The following PCDHA7 variants were observed in gnomAD, a reference collection of about 807,000 sequenced individuals.
The protein encoded by PCDHA7 is protocadherin alpha 7.
Under a neutral mutation model 57.2 loss-of-function variants are expected in PCDHA7, and 37 were observed. The observed-to-expected ratio is 0.65, with a 90% CI of 0.50 to 0.85. The LOEUF is 0.85. Among genes scored for constraint, PCDHA7 ranks in the 40% least tolerant of loss-of-function variants. PCDHA7 has a pLI of 0.00. For synonymous variants in PCDHA7, 553 were observed against 558.8 expected (o/e 0.99, Z 0.15); for missense variants, 1,188 against 1,241.8 (o/e 0.96, Z 0.65).
chr5:140,858,197 A>T lies in PCDHA7; in HGVS notation c.2355+21459A>T. On this transcript the variant is annotated intron_variant, in intron 1 of 3. Transcript: ENST00000525929. ...GCTGGTGCTCACGCTGCTGCTGTAC[A>T]CTGCACTGAGGTGCTCGGCGGCGCC... is the stretch of plus-strand genomic sequence containing the variant. The T allele has an allele frequency of 1.3e-6, 2 of 1,597,058 alleles. 1 individual carries two copies.
intron 1 of PCDHA7, chr5:140,884,082 C>A (rs2059986179): frequency 1.2e-6 from 2 of 1,613,558 alleles, no homozygotes; most frequent in Non-Finnish European, 8.5e-7. Flanking sequence ...GGCTACAATG[C>A]GTGGCTTTCG....
chr5:140,944,743 T>A (rs1307968034), intron 1 of PCDHA7, among the ~76,000 whole-genome samples: 2 of 152,238 alleles, frequency 1.3e-5, no homozygotes, highest in East Asian at 3.8e-4. Flanking sequence ...TCTGAGCATT[T>A]ACATGGAAAA....
At chr5:140,869,799 C>T (rs781959839) in intron 1 of PCDHA7, 1 of 1,612,706 alleles carries the variant, frequency 6.2e-7, no homozygotes, top group Non-Finnish European at 8.5e-7. Flanking sequence ...TAGTCCAAGT[C>T]TTGGATGTCA....
chr5:140,973,556 C>A lies in PCDHA7; in HGVS notation c.2356-5393C>A, dbSNP rs993191449. Among the ~76,000 whole-genome samples the A allele has an allele frequency of 3.9e-5, 6 of 152,336 alleles. 1 individual carries two copies. In the South Asian group the frequency reaches 1.2e-3, roughly 32 times the overall value. ...ATACAATAATTTATTTCAATTACCT[C>A]TTTCCTCAATTTTTCTACAGACTGC... On this transcript the variant is annotated intron_variant, in intron 1 of 3. Coordinates refer to ENST00000525929, the MANE Select transcript of PCDHA7 (RefSeq NM_018910.3).
At chr5:140,937,739 C>T (rs1563162684) in intron 1 of PCDHA7, among the ~76,000 whole-genome samples, 1 of 151,716 alleles carries the variant, frequency 6.6e-6, no homozygotes, top group African/African-American at 2.4e-5. Context: ...GGTGAAACCC[C>T]GTCTCTACTA....
intron 1 of PCDHA7, among the ~76,000 whole-genome samples, chr5:140,908,825 G>A (rs1554193511): frequency 1.3e-5 from 2 of 152,252 alleles, no homozygotes; most frequent in South Asian, 2.1e-4. Flanking sequence ...TGGGTTACTC[G>A]ATAAATGGGC....
intron 1 of PCDHA7, chr5:140,861,505 A>G: frequency 2.1e-6 from 1 of 482,692 alleles, no homozygotes; most frequent in African/African-American, 2.0e-5. Flanking sequence ...ATAGACCTCG[A>G]GGAGCTGTGT....
At chr5:140,854,178 A>G (rs2043021755) in intron 1 of PCDHA7, 4 of 531,272 alleles carry the variant, frequency 7.5e-6, no homozygotes, top group African/African-American at 2.1e-5. Flanking sequence ...AAAAAAAAAG[A>G]GTAGTTTAAC....
intron 1 of PCDHA7, among the ~76,000 whole-genome samples, chr5:140,838,948 T>C (rs1437181884): frequency 6.6e-6 from 1 of 151,904 alleles, no homozygotes; most frequent in Non-Finnish European, 1.5e-5. Context: ...TAAAATAAAA[T>C]AAAATAAAAA....
intron 1 of PCDHA7, among the ~76,000 whole-genome samples, chr5:140,921,041 G>A (rs902181810): frequency 1.3e-5 from 2 of 151,820 alleles, no homozygotes; most frequent in Non-Finnish European, 2.9e-5. Flanking sequence ...GTGCAGTGGG[G>A]CAATCATAGC....
chr5:140,983,924 A>G (rs1554245819), intron 3 of PCDHA7, among the ~76,000 whole-genome samples: 1 of 152,216 alleles, frequency 6.6e-6, no homozygotes, highest in African/African-American at 2.4e-5. Flanking sequence ...AGGATTTGCT[A>G]TTTATGGATG....
At chr5:140,856,926 G>A (rs782283116) in intron 1 of PCDHA7, 1 of 1,594,828 alleles carries the variant, frequency 6.3e-7, no homozygotes, top group South Asian at 1.1e-5. Context: ...AGGAAATTTT[G>A]GATAAACGAA....
intron 1 of PCDHA7, among the ~76,000 whole-genome samples, chr5:140,894,231 G>A (rs1265861426): frequency 1.3e-5 from 2 of 151,980 alleles, no homozygotes; most frequent in South Asian, 2.1e-4. Flanking sequence ...GATGTTGAAT[G>A]ACAATGTAAT....
chr5:140,877,092 C>G (rs200462899), intron 1 of PCDHA7: 46 of 1,613,110 alleles, frequency 2.9e-5, no homozygotes, highest in African/African-American at 6.7e-5. Flanking sequence ...CGCGCGACGC[C>G]GGCGTGCCGC....
intron 1 of PCDHA7, among the ~76,000 whole-genome samples, chr5:140,960,147 T>C (rs2095529138): frequency 6.6e-6 from 1 of 152,322 alleles, no homozygotes; most frequent in Admixed American, 6.5e-5. Context: ...TATTAATAGC[T>C]TGAGACTGAT....
chr5:140,877,228 G>A, intron 1 of PCDHA7: 2 of 1,613,700 alleles, frequency 1.2e-6, no homozygotes, highest in Non-Finnish European at 1.7e-6. Context: ...GCGGTCGGTG[G>A]GTGCGGGCCA....
At chr5:140,909,312 A>AT (rs1365428416) in intron 1 of PCDHA7, among the ~76,000 whole-genome samples, 1 of 152,244 alleles carries the variant, frequency 6.6e-6, no homozygotes, top group Non-Finnish European at 1.5e-5. Context: ...AGAAAAAGGC[A>AT]TTTGCCAAAT....
At chr5:140,914,654 T>C (rs2076794688) in intron 1 of PCDHA7, among the ~76,000 whole-genome samples, 1 of 152,202 alleles carries the variant, frequency 6.6e-6, no homozygotes, top group Non-Finnish European at 1.5e-5. Flanking sequence ...CTCTCCCTTC[T>C]TTCCATCTTC....
At chr5:140,842,144 G>A (rs2150330322) in intron 1 of PCDHA7, 1 of 1,613,850 alleles carries the variant, frequency 6.2e-7, no homozygotes, top group African/African-American at 1.3e-5. Flanking sequence ...AGGAGCCAAT[G>A]GGGCAATTTC....
Sources: gnomAD v4.1 joint callset for allele counts (sites outside exome capture counted in the v4.1 genomes callset) on GRCh38, gnomAD v4.1.1 for gene constraint, MANE v1.5 for transcripts, NCBI Gene and HGNC (gene_info 2026-07-23, HGNC 2026-07-21) for gene names.